Variants in CCDC60 observed in about 807,000 individuals in gnomAD.
CCDC60 encodes coiled-coil domain containing 60.
Under a neutral mutation model 63.5 loss-of-function variants are expected in CCDC60, and 54 were observed. That is an observed-to-expected ratio of 0.85 (90% CI 0.68 to 1.07). CCDC60 has a LOEUF of 1.07. Among genes scored for constraint, CCDC60 ranks in the 50% least tolerant of loss-of-function variants. The pLI is 0.00. For synonymous variants in CCDC60, 206 were observed against 238.8 expected (o/e 0.86, Z 1.27); for missense variants, 651 against 684.3 (o/e 0.95, Z 0.54).
intron 2 of CCDC60, among the ~76,000 whole-genome samples, chr12:119,455,992 AGAGAGAAAG>A (rs1950728459): frequency 1.1e-4 from 5 of 47,512 alleles, no homozygotes; most frequent in African/African-American, 6.4e-4. Flanking sequence ...AGAGAAAGAG[AGAGAGAAAG>A]AGAAAGAAAG....
chr12:119,367,901 G>GT (rs199846088), intron 1 of CCDC60, among the ~76,000 whole-genome samples: 97 of 141,306 alleles, frequency 6.9e-4, no homozygotes, highest in East Asian at 2.0e-3. Context: ...TATATAAAGG[G>GT]GTTTTTTTTT....
intron 1 of CCDC60, among the ~76,000 whole-genome samples, chr12:119,364,944 C>T (rs1163936923): frequency 6.6e-6 from 1 of 151,974 alleles, no homozygotes; most frequent in African/African-American, 2.4e-5. Flanking sequence ...GAGACAGGCT[C>T]TGAGGTGTAT....
At position 119,540,738 on chromosome 12, in the gene CCDC60, G is replaced by C. The variant is rs941589852; in HGVS notation, c.*23G>C. On this transcript the variant is annotated 3_prime_UTR_variant, in exon 14 of 14. Transcript: ENST00000327554. ...TAGGCTGGGCCTGGGTTGACCAGCT[G>C]TCTCAGTGGAGGAGTGTTTGCCTAT... The C allele has an allele frequency of 6.6e-6, 10 of 1,520,136 alleles. No homozygotes were observed. In the Admixed American group the frequency reaches 1.0e-4, roughly 15 times the overall value. The allele number at this position is 1,520,136 out of a possible 1,614,324, so 94.2% of individuals were successfully genotyped here. A position where few individuals can be genotyped will look rare whatever the true frequency, so the allele number is the denominator to read the frequency against.
At chr12:119,371,845 A>G (rs1056794609) in intron 1 of CCDC60, among the ~76,000 whole-genome samples, 24 of 152,202 alleles carry the variant, frequency 1.6e-4, no homozygotes, top group Non-Finnish European at 2.4e-4. Flanking sequence ...ACTAGAGCCT[A>G]CATCCATTAT....
At chr12:119,368,174 G>T (rs1408989309) in intron 1 of CCDC60, among the ~76,000 whole-genome samples, 1 of 127,876 alleles carries the variant, frequency 7.8e-6, no homozygotes, top group Non-Finnish European at 1.7e-5. Context: ...GGAGGAAGGG[G>T]AGGAGGAGAA....
intron 2 of CCDC60, chr12:119,433,260 T>C (rs1376822687): frequency 1.6e-6 from 1 of 614,622 alleles, no homozygotes; most frequent in Non-Finnish European, 2.9e-6. Flanking sequence ...GGATTAATTA[T>C]TAATAAAAGG....
chr12:119,395,020 G>A (rs1044166000), intron 1 of CCDC60, among the ~76,000 whole-genome samples: 2 of 152,220 alleles, frequency 1.3e-5, no homozygotes, highest in African/African-American at 4.8e-5. Context: ...CTTGAAGGAT[G>A]AGTAGTTTTC....
chr12:119,467,853 T>G (rs1593130228), intron 2 of CCDC60, among the ~76,000 whole-genome samples: 1 of 152,236 alleles, frequency 6.6e-6, no homozygotes, highest in African/African-American at 2.4e-5. Flanking sequence ...GGTTTTCTTT[T>G]TATCAAGTTC....
At chr12:119,527,666 CTTTTTTTTTT>C (rs869099213) in intron 11 of CCDC60, among the ~76,000 whole-genome samples, 1 of 84,974 alleles carries the variant, frequency 1.2e-5, no homozygotes, top group South Asian at 4.4e-4. Flanking sequence ...TTCTTTCTTT[CTTTTTTTTTT>C]TTTTTTTTTT....
intron 1 of CCDC60, among the ~76,000 whole-genome samples, chr12:119,426,736 C>T (rs886546583): frequency 2.0e-5 from 3 of 152,320 alleles, no homozygotes; most frequent in Non-Finnish European, 2.9e-5. Context: ...CACCCTTCAT[C>T]TGTGCTGCCT....
At chr12:119,340,020 C>A (rs1284543017) in intron 1 of CCDC60, among the ~76,000 whole-genome samples, 1 of 152,232 alleles carries the variant, frequency 6.6e-6, no homozygotes, top group African/African-American at 2.4e-5. Context: ...GTTTGCTGCT[C>A]TGTGAAACAA....
intron 2 of CCDC60, among the ~76,000 whole-genome samples, chr12:119,449,999 T>C (rs1566016231): frequency 2.0e-5 from 3 of 152,168 alleles, no homozygotes. Context: ...TGCAGCACTA[T>C]TCCCCATAAC....
chr12:119,365,918 C>T (rs2136170555), intron 1 of CCDC60, among the ~76,000 whole-genome samples: 1 of 152,264 alleles, frequency 6.6e-6, no homozygotes. Flanking sequence ...CCATGATCTG[C>T]TTAATAAGTA....
chr12:119,350,484 C>T (rs1244326363), intron 1 of CCDC60, among the ~76,000 whole-genome samples: 2 of 152,186 alleles, frequency 1.3e-5, no homozygotes, highest in South Asian at 2.1e-4. Context: ...CTGCCTGCCT[C>T]GGCCTCCCAA....
rs1191147975 is a variant in CCDC60, at chr12:119,418,415, T to C, written c.91-10268T>C. Among the ~76,000 whole-genome samples the C allele has an allele frequency of 3.7e-4, 14 of 37,822 alleles. 1 individual carries two copies. Among genetic ancestry groups the C allele is most frequent in the South Asian group, 2.6e-3 (2 of 760 alleles). 24.8% of individuals were successfully genotyped at this position (37,822 alleles called of 152,430 possible). ...TTTTTTTTTTTTTTTTTTTTTTTTT[T>C]TTTTTTTTTTTTTTTTTGAGATGGG... On this transcript the variant is annotated intron_variant, in intron 1 of 13. Transcript: ENST00000327554.
rs34682909 is a variant in CCDC60 at position 119,349,337 on chromosome 12, C to CT, written c.90+14092dup. On this transcript the variant is annotated intron_variant, in intron 1 of 13. Coordinates refer to ENST00000327554, the MANE Select transcript of CCDC60 (RefSeq NM_178499.5). ...CAAGGCCAAGGTCCAGGGCGTGTTC[C>CT]TTTTTTTTTTTTTTTTTTTTTCTTC... 7.8e-3 allele frequency among the ~76,000 whole-genome samples: 979 copies of CT among 126,266 alleles called. 10 individuals are homozygous for CT. The highest frequency in any genetic ancestry group is 0.019 in the African/African-American group (649 of 34,120). The allele number at this position is 126,266 out of a possible 152,430, so 82.8% of individuals were successfully genotyped here.
chr12:119,351,706 T>A (rs1955658264), intron 1 of CCDC60, among the ~76,000 whole-genome samples: 1 of 152,234 alleles, frequency 6.6e-6, no homozygotes, highest in Admixed American at 6.5e-5. Flanking sequence ...TGACCTTTAC[T>A]CCAGTTCCCA....
At chr12:119,370,685 T>G (rs1955888632) in intron 1 of CCDC60, among the ~76,000 whole-genome samples, 1 of 152,162 alleles carries the variant, frequency 6.6e-6, no homozygotes. Context: ...AATTTAAGCC[T>G]GGAACTGGTG....
chr12:119,336,614 G>C (rs945304562), intron 1 of CCDC60, among the ~76,000 whole-genome samples: 5 of 152,208 alleles, frequency 3.3e-5, no homozygotes, highest in African/African-American at 1.2e-4. Context: ...CCACGCACCA[G>C]CTGTGTGACT....
Sources: allele counts gnomAD v4.1 joint callset (sites outside exome capture counted in the v4.1 genomes callset), GRCh38; gene constraint gnomAD v4.1.1; transcripts MANE v1.5; gene names NCBI Gene and HGNC (gene_info 2026-07-23, HGNC 2026-07-21).